Variants in BRINP3 observed in about 807,000 individuals in gnomAD.
The protein encoded by BRINP3 is BMP/retinoic acid inducible neural specific 3.
A neutral mutation model predicts 71.0 loss-of-function variants in BRINP3; 19 were observed. That is an observed-to-expected ratio of 0.27 (90% CI 0.19 to 0.39). The LOEUF is 0.39. Among genes scored for constraint, BRINP3 ranks in the 10% least tolerant of loss-of-function variants. The pLI, the probability that BRINP3 is intolerant of heterozygous loss-of-function variation, is 1.00. For synonymous variants in BRINP3, 380 were observed against 337.7 expected (o/e 1.13, Z -1.37); for missense variants, 959 against 940.8 (o/e 1.02, Z -0.25).
At chr1:190,317,037 T>C (rs1665927874) in intron 2 of BRINP3, among the ~76,000 whole-genome samples, 1 of 151,642 alleles carries the variant, frequency 6.6e-6, no homozygotes, top group African/African-American at 2.4e-5. Flanking sequence ...CCGGGCATGA[T>C]GGTGGGTGCC....
rs2102234792 is a variant in BRINP3 at position 190,098,996 on chromosome 1, G to A, written c.1323C>T (p.Cys441=). ...GGCAGGCAGAGGCGTCTCCCACTGT[G>A]CAGGGCAGGAACGCGGTGCAGACCA... ...DQVVCTAFLP[C]TVGDASACLT... is the part of the protein sequence containing the mutation. The change falls in exon 8 of 8, where the codon TGC becomes TGT. Residue 441 remains cysteine, a synonymous_variant. Coordinates refer to ENST00000367462, the MANE Select transcript of BRINP3 (RefSeq NM_199051.3). 1 of 1,614,184 alleles carries A rather than the reference G, an allele frequency of 6.2e-7. No homozygotes were observed. Among genetic ancestry groups the A allele is most frequent in the Non-Finnish European group, 8.5e-7 (1 of 1,180,032 alleles).
intron 1 of BRINP3, among the ~76,000 whole-genome samples, chr1:190,468,951 G>A (rs762771802): frequency 1.0e-4 from 15 of 150,478 alleles, no homozygotes; most frequent in East Asian, 3.9e-4. Flanking sequence ...TCTAGTTCAC[G>A]TTAGGAAAAA....
intron 2 of BRINP3, among the ~76,000 whole-genome samples, chr1:190,376,237 T>G (rs557682646): frequency 6.6e-6 from 1 of 152,014 alleles, no homozygotes; most frequent in Non-Finnish European, 1.5e-5. Context: ...TTGGGTGTTC[T>G]GAGGCTGTTT....
intron 2 of BRINP3, among the ~76,000 whole-genome samples, chr1:190,310,678 C>G (rs960706509): frequency 1.3e-5 from 2 of 151,558 alleles, no homozygotes; most frequent in African/African-American, 4.8e-5. Flanking sequence ...ACTCAATCTC[C>G]CTCCCTTTCT....
At chr1:190,444,239 CAAAAAAAAAAAAAAAAAAA>C (rs764014934) in intron 2 of BRINP3, among the ~76,000 whole-genome samples, 2 of 56,312 alleles carry the variant, frequency 3.6e-5, no homozygotes, top group East Asian at 7.2e-4. Flanking sequence ...AACTCCGTCT[CAAAAAAAAAAAAAAAAAAA>C]AAAAAAAAAA....
At chr1:190,434,033 T>G (rs1360433422) in intron 2 of BRINP3, among the ~76,000 whole-genome samples, 1 of 152,158 alleles carries the variant, frequency 6.6e-6, no homozygotes, top group African/African-American at 2.4e-5. Flanking sequence ...AGGAGTAATA[T>G]TGACAGAGTA....
At chr1:190,417,363 A>G (rs1173760461) in intron 2 of BRINP3, among the ~76,000 whole-genome samples, 1 of 152,142 alleles carries the variant, frequency 6.6e-6, no homozygotes. Context: ...GTATTGCTCT[A>G]ATTTTACAGT....
chr1:190,338,715 T>C (rs1246016324), intron 2 of BRINP3, among the ~76,000 whole-genome samples: 3 of 151,844 alleles, frequency 2.0e-5, no homozygotes, highest in Non-Finnish European at 4.4e-5. Flanking sequence ...TGCTTACCTG[T>C]ACTATCTTAT....
At chr1:190,340,521 T>C (rs1371635415) in intron 2 of BRINP3, among the ~76,000 whole-genome samples, 1 of 151,904 alleles carries the variant, frequency 6.6e-6, no homozygotes, top group Non-Finnish European at 1.5e-5. Context: ...TTAATATCTC[T>C]GGAATTATGA....
At chr1:190,369,838 T>G (rs567155933) in intron 2 of BRINP3, among the ~76,000 whole-genome samples, 10 of 152,262 alleles carry the variant, frequency 6.6e-5, no homozygotes, top group African/African-American at 2.4e-4. Flanking sequence ...TTAAATATAT[T>G]ATGTTTTTAA....
chr1:190,166,231 C>A (rs1651525055), intron 6 of BRINP3, among the ~76,000 whole-genome samples: 1 of 152,154 alleles, frequency 6.6e-6, no homozygotes, highest in Non-Finnish European at 1.5e-5. Flanking sequence ...TTTTATGAGG[C>A]TACAAAGTGA....
chr1:190,439,975 T>C (rs1174719613), intron 2 of BRINP3, among the ~76,000 whole-genome samples: 1 of 151,940 alleles, frequency 6.6e-6, no homozygotes, highest in South Asian at 2.1e-4. Context: ...AATAACCACT[T>C]TAATATAAGA....
intron 4 of BRINP3, among the ~76,000 whole-genome samples, chr1:190,250,853 T>C (rs974307626): frequency 1.3e-5 from 2 of 151,964 alleles, no homozygotes; most frequent in South Asian, 4.1e-4. Flanking sequence ...ACTTAGCCTG[T>C]ATCTCAGGTT....
At chr1:190,268,776 T>A (rs1461547043) in intron 3 of BRINP3, among the ~76,000 whole-genome samples, 1 of 152,070 alleles carries the variant, frequency 6.6e-6, no homozygotes, top group East Asian at 1.9e-4. Flanking sequence ...TAAGCATAAA[T>A]AATAATGGAT....
intron 2 of BRINP3, among the ~76,000 whole-genome samples, chr1:190,444,108 C>T (rs191977117): frequency 6.6e-6 from 1 of 152,072 alleles, no homozygotes; most frequent in Non-Finnish European, 1.5e-5. Flanking sequence ...TGGCCCATGC[C>T]TGTAATCCCA....
intron 1 of BRINP3, among the ~76,000 whole-genome samples, chr1:190,473,470 AT>A (rs1413455188): frequency 6.6e-6 from 1 of 151,210 alleles, no homozygotes; most frequent in African/African-American, 2.4e-5. Flanking sequence ...AAATAATACA[AT>A]TTCTTAGAGA....
At chr1:190,244,704 T>A (rs893010838) in intron 4 of BRINP3, among the ~76,000 whole-genome samples, 2 of 152,100 alleles carry the variant, frequency 1.3e-5, no homozygotes, top group African/African-American at 4.8e-5. Flanking sequence ...GCAGGGAACC[T>A]CGTTAGATAC....
intron 1 of BRINP3, among the ~76,000 whole-genome samples, chr1:190,466,078 A>T (rs1454392840): frequency 1.3e-5 from 2 of 151,818 alleles, no homozygotes; most frequent in Admixed American, 1.3e-4. Context: ...CAATTTAAAG[A>T]AAATGTGGAC....
intron 6 of BRINP3, 84 bp downstream of exon 6, chr1:190,225,998 A>T: frequency 2.2e-6 from 2 of 891,472 alleles, no homozygotes; most frequent in Non-Finnish European, 3.4e-6. Flanking sequence ...ACTATGTAAT[A>T]GTTTCTTGAA....
Sources: allele counts gnomAD v4.1 joint callset (sites outside exome capture counted in the v4.1 genomes callset), GRCh38; gene constraint gnomAD v4.1.1; transcripts MANE v1.5; gene names NCBI Gene and HGNC (gene_info 2026-07-23, HGNC 2026-07-21).